TG: variants seen among roughly 807,000 people sequenced by gnomAD.
The protein encoded by TG is thyroglobulin.
TG carries 270 observed loss-of-function variants against 324.7 expected under a neutral mutation model. The ratio of observed to expected loss-of-function variants is 0.83; its 90% confidence interval spans 0.75 to 0.92. The LOEUF (loss-of-function observed/expected upper bound fraction) is 0.92. Ranked by LOEUF, TG falls within the 40% of genes least tolerant of loss-of-function variation. The probability of loss-of-function intolerance (pLI) is 0.00; values close to 1 mark genes in which losing one functional copy is unlikely to be tolerated. For missense variants in TG, 3,591 were observed against 3,456.4 expected (o/e 1.04, Z -0.98); for synonymous variants, 1,401 against 1,327.0 (o/e 1.06, Z -1.21).
chr8:132,997,966 G>T (rs1230219010), intron 35 of TG, among the ~76,000 whole-genome samples: 1 of 152,124 alleles, frequency 6.6e-6, no homozygotes, highest in African/African-American at 2.4e-5. Context: ...TTACAAGGGG[G>T]ATATTTCAGC....
intron 24 of TG, among the ~76,000 whole-genome samples, chr8:132,935,114 C>T (rs1278310736): frequency 6.6e-6 from 1 of 151,160 alleles, no homozygotes; most frequent in Non-Finnish European, 1.5e-5. Flanking sequence ...AATCAGCCCT[C>T]TCTTGTTTCC....
At chr8:133,129,353 C>A (rs527443254) in intron 45 of TG, among the ~76,000 whole-genome samples, 1 of 152,208 alleles carries the variant, frequency 6.6e-6, no homozygotes, top group South Asian at 2.1e-4. Flanking sequence ...CATACAAGTT[C>A]ACGAGAGCTG....
intron 41 of TG, among the ~76,000 whole-genome samples, chr8:133,032,501 G>GT (rs139807970): frequency 0.013 from 1,998 of 152,188 alleles, 54 homozygotes; most frequent in African/African-American, 0.046. Context: ...ATACTAATCT[G>GT]TTTTAACAAA....
chr8:132,963,122 G>T, intron 29 of TG, 48 bp downstream of exon 29: 3 of 1,540,234 alleles, frequency 1.9e-6, no homozygotes, highest in Non-Finnish European at 2.7e-6. Flanking sequence ...TGAATGCAGA[G>T]ACTAAATGGG....
chr8:132,961,223 C>A, intron 28 of TG, 150 bp downstream of exon 28: 2 of 817,388 alleles, frequency 2.4e-6, no homozygotes, highest in Admixed American at 2.2e-5. Context: ...AATAGAAGGG[C>A]TCCAACTCAT....
chr8:133,100,906 G>A (rs976040446), intron 43 of TG, among the ~76,000 whole-genome samples: 8 of 152,142 alleles, frequency 5.3e-5, no homozygotes, highest in Non-Finnish European at 4.4e-5. Context: ...CTTACTTTAC[G>A]TTATCTCAAC....
At chr8:133,009,910 G>C (rs1450934918) in intron 35 of TG, among the ~76,000 whole-genome samples, 1 of 152,004 alleles carries the variant, frequency 6.6e-6, no homozygotes, top group Non-Finnish European at 1.5e-5. Flanking sequence ...ATAGCAGCTT[G>C]AGCAACCAAA....
intron 11 of TG, among the ~76,000 whole-genome samples, chr8:132,896,596 G>A (rs1817136570): frequency 6.6e-6 from 1 of 152,220 alleles, no homozygotes; most frequent in African/African-American, 2.4e-5. Flanking sequence ...CACTTAGGAG[G>A]AGGGTGGTGG....
intron 15 of TG, 105 bp downstream of exon 15, chr8:132,900,444 C>A: frequency 9.4e-7 from 1 of 1,065,288 alleles, no homozygotes; most frequent in Non-Finnish European, 1.4e-6. Flanking sequence ...GCTTCCATAG[C>A]TGTGGGGGCA....
At chr8:132,967,131 AT>A (rs1828696476) in intron 30 of TG, among the ~76,000 whole-genome samples, 1 of 146,148 alleles carries the variant, frequency 6.8e-6, no homozygotes, top group Non-Finnish European at 1.5e-5. Flanking sequence ...CCATCCATCC[AT>A]CCATCCATCC....
At chr8:133,096,406 C>T in intron 43 of TG, 33 bp downstream of exon 43, 1 of 1,613,452 alleles carries the variant, frequency 6.2e-7, no homozygotes, top group Non-Finnish European at 8.5e-7. Context: ...ATGTCTCCAG[C>T]TGGGCATTTC....
At chr8:132,905,778 G>T (rs992312132) in intron 16 of TG, among the ~76,000 whole-genome samples, 4 of 152,144 alleles carry the variant, frequency 2.6e-5, no homozygotes, top group East Asian at 1.9e-4. Context: ...GTACCTGGTG[G>T]CCTGGGAATT....
At chr8:133,035,414 C>T (rs919593014) in intron 41 of TG, among the ~76,000 whole-genome samples, 1 of 152,078 alleles carries the variant, frequency 6.6e-6, no homozygotes, top group African/African-American at 2.4e-5. Flanking sequence ...TTTATTAGTA[C>T]TTTCTCTGTG....
At position 132,887,977 on chromosome 8, in the gene TG, T is replaced by G. The variant is rs371263098; in HGVS notation, c.2177-7T>G. On this transcript the variant is annotated splice_region_variant and splice_polypyrimidine_tract_variant and intron_variant, in intron 9 of 47. Transcript: ENST00000220616. ...AACTGAAACACCTGCTCATTGTTCC[T>G]CCCCAGGCCCCACGCCCTGTCAATT... 6.3e-5 allele frequency: 101 copies of G among 1,611,668 alleles called. No homozygotes were observed. Among genetic ancestry groups the G allele is most frequent in the Non-Finnish European group, 8.5e-5 (100 of 1,178,956 alleles).
chr8:132,922,657 C>T (rs564411974), intron 21 of TG, among the ~76,000 whole-genome samples: 3 of 152,162 alleles, frequency 2.0e-5, no homozygotes, highest in Non-Finnish European at 4.4e-5. Context: ...ATTTATTTCT[C>T]ACAGTTCTGG....
intron 35 of TG, among the ~76,000 whole-genome samples, chr8:133,009,879 C>G (rs1834350538): frequency 6.6e-6 from 1 of 151,850 alleles, no homozygotes; most frequent in African/African-American, 2.4e-5. Flanking sequence ...GTTTAAGCCA[C>G]CCAGCCTATG....
At chr8:133,080,223 A>G (rs1262956356) in intron 41 of TG, among the ~76,000 whole-genome samples, 2 of 152,216 alleles carry the variant, frequency 1.3e-5, no homozygotes, top group Non-Finnish European at 2.9e-5. Context: ...CTTGTGTTCA[A>G]GGAGCAGACA....
intron 40 of TG, among the ~76,000 whole-genome samples, chr8:133,026,068 AG>A (rs1184579874): frequency 3.3e-5 from 5 of 152,306 alleles, no homozygotes; most frequent in African/African-American, 1.2e-4. Flanking sequence ...CTTCCCAGGC[AG>A]GGCTGTGTTT....
At position 133,095,132 on chromosome 8, in the gene TG, C is replaced by T; in HGVS notation, c.7328C>T (p.Pro2443Leu). The change falls in exon 42 of 48, where the codon CCC (proline) becomes CTC (leucine). Residue 2443 changes from proline (P) to leucine (L), a missense_variant. Transcript: ENST00000220616. ...GCTTTGGCAAAGGAGGTCAGTTGCC[C>T]CATGTCATCCAGCCAAGAAGTGGTG... is the stretch of plus-strand genomic sequence containing the variant. ...AIALAKEVSC[P>L]MSSSQEVVSC... is the part of the protein sequence containing the mutation. 1 of 1,614,230 alleles carries T rather than the reference C, an allele frequency of 6.2e-7. No individual in the cohort carries two copies. Among genetic ancestry groups the T allele is most frequent in the Non-Finnish European group, 8.5e-7 (1 of 1,180,040 alleles).
Sources: gnomAD v4.1 joint callset for allele counts (sites outside exome capture counted in the v4.1 genomes callset) on GRCh38, gnomAD v4.1.1 for gene constraint, MANE v1.5 for transcripts, NCBI Gene and HGNC (gene_info 2026-07-23, HGNC 2026-07-21) for gene names.